Variants in MAPKAP1 observed in about 807,000 individuals in gnomAD.
The protein encoded by MAPKAP1 is MAPK associated protein 1, also known as target of rapamycin complex 2 subunit MAPKAP1.
MAPKAP1 carries 20 observed loss-of-function variants against 65.7 expected under a neutral mutation model. That is an observed-to-expected ratio of 0.30 (90% CI 0.21 to 0.44). MAPKAP1 has a LOEUF of 0.44. MAPKAP1 is among the 20% of genes least tolerant of loss of function. MAPKAP1 has a pLI of 1.00. For missense variants in MAPKAP1, 423 were observed against 648.0 expected, an observed-to-expected ratio of 0.65 and a Z score of 3.77; for synonymous variants, 222 against 244.3, an observed-to-expected ratio of 0.91 and a Z score of 0.85.
At chr9:125,673,269 C>T (rs749639011) in intron 1 of MAPKAP1, among the ~76,000 whole-genome samples, 3 of 152,150 alleles carry the variant, frequency 2.0e-5, no homozygotes, top group Non-Finnish European at 4.4e-5. Flanking sequence ...GCGCTTGTTG[C>T]CCAGGCTGGA....
intron 4 of MAPKAP1, among the ~76,000 whole-genome samples, chr9:125,622,860 G>A (rs1433628853): frequency 2.0e-5 from 3 of 151,842 alleles, no homozygotes; most frequent in African/African-American, 4.8e-5. Flanking sequence ...ATGCGGAGCC[G>A]AAGCTGGACT....
intron 7 of MAPKAP1, chr9:125,521,759 C>T (rs747566536): frequency 6.2e-7 from 1 of 1,612,648 alleles, no homozygotes; most frequent in East Asian, 2.2e-5. Context: ...AATTTAGTCA[C>T]AAGCACCTAA....
At chr9:125,620,895 CAT>C (rs1832878155) in intron 4 of MAPKAP1, among the ~76,000 whole-genome samples, 1 of 150,926 alleles carries the variant, frequency 6.6e-6, no homozygotes, top group South Asian at 2.1e-4. Context: ...GGGAGTGAGA[CAT>C]GTTTACCTTT....
intron 4 of MAPKAP1, among the ~76,000 whole-genome samples, chr9:125,589,038 T>A (rs1831874083): frequency 6.6e-6 from 1 of 152,206 alleles, no homozygotes; most frequent in South Asian, 2.1e-4. Context: ...TGGCTTTGCA[T>A]GCGTGACTCC....
chr9:125,676,112 A>G (rs1312411772), intron 1 of MAPKAP1, among the ~76,000 whole-genome samples: 1 of 152,210 alleles, frequency 6.6e-6, no homozygotes, highest in African/African-American at 2.4e-5. Context: ...TAAAAATCTA[A>G]CTCTGGCAAG....
At chr9:125,507,857 T>A (rs1295704700) in intron 7 of MAPKAP1, among the ~76,000 whole-genome samples, 1 of 152,216 alleles carries the variant, frequency 6.6e-6, no homozygotes, top group African/African-American at 2.4e-5. Context: ...AAATTCATTT[T>A]TTTTTAAAAT....
intron 7 of MAPKAP1, among the ~76,000 whole-genome samples, chr9:125,519,206 G>C (rs950883227): frequency 6.6e-6 from 1 of 152,014 alleles, no homozygotes; most frequent in African/African-American, 2.4e-5. Context: ...AACTAAATTG[G>C]GATAGAGCCT....
chr9:125,567,439 C>A (rs1247431603), intron 5 of MAPKAP1: 2 of 152,186 alleles, frequency 1.3e-5, no homozygotes, highest in African/African-American at 4.8e-5. Context: ...CTCCCACCAG[C>A]GCCATGACAG....
chr9:125,535,455 G>A (rs1830046419), intron 7 of MAPKAP1, among the ~76,000 whole-genome samples: 1 of 152,064 alleles, frequency 6.6e-6, no homozygotes, highest in East Asian at 1.9e-4. Context: ...AGTGCAGCAT[G>A]GCACAGAGCA....
chr9:125,630,937 A>G (rs1197345121), intron 4 of MAPKAP1, among the ~76,000 whole-genome samples: 1 of 152,084 alleles, frequency 6.6e-6, no homozygotes. Context: ...ACAAAAAATA[A>G]TTTTTAAAAA....
intron 1 of MAPKAP1, among the ~76,000 whole-genome samples, chr9:125,693,677 A>ATATATACACGTATATATACACG (rs1835267514): frequency 7.8e-6 from 1 of 127,452 alleles, no homozygotes; most frequent in Non-Finnish European, 1.7e-5. Context: ...ATATACACGT[A>ATATATACACGTATATATACACG]TATATACACG....
At chr9:125,587,383 T>C (rs1379355773) in intron 4 of MAPKAP1, among the ~76,000 whole-genome samples, 1 of 152,120 alleles carries the variant, frequency 6.6e-6, no homozygotes, top group African/African-American at 2.4e-5. Flanking sequence ...CTGGCCAACA[T>C]GGTGAAATCC....
intron 1 of MAPKAP1, among the ~76,000 whole-genome samples, chr9:125,704,084 C>T (rs1468178006): frequency 6.6e-6 from 1 of 152,192 alleles, no homozygotes; most frequent in South Asian, 2.1e-4. Flanking sequence ...GACTGGCACA[C>T]TGAAGCTACA....
chr9:125,568,027 T>C (rs1443645186), intron 5 of MAPKAP1: 2 of 151,972 alleles, frequency 1.3e-5, no homozygotes, highest in African/African-American at 4.8e-5. Flanking sequence ...AAGAATGAGA[T>C]TGGTAAAGAA....
chr9:125,704,453 C>A (rs12336337), intron 1 of MAPKAP1, among the ~76,000 whole-genome samples: 1 of 152,150 alleles, frequency 6.6e-6, no homozygotes, highest in Non-Finnish European at 1.5e-5. Flanking sequence ...ACCCACAGTA[C>A]TTTATTATGG....
chr9:125,625,258 A>AT (rs371821798), intron 4 of MAPKAP1, among the ~76,000 whole-genome samples: 38,115 of 110,482 alleles, frequency 0.34, 7,374 homozygotes, highest in Middle Eastern at 0.45. Flanking sequence ...AAATAAATAA[A>AT]AAAAAAAAAA....
chr9:125,517,914 C>T lies in MAPKAP1; in HGVS notation c.959-11497G>A, dbSNP rs1829508672. Reference sequence around the variant, plus strand: ...AAGTACTTTTGTCTATTTGTCATTCCCCCCACCTAGCCAGCATCAGGGCAC... The same window carrying T: ...AAGTACTTTTGTCTATTTGTCATTCTCCCCACCTAGCCAGCATCAGGGCAC... On this transcript the variant is annotated intron_variant, in intron 7 of 11. Transcript: ENST00000265960. Among the ~76,000 whole-genome samples the T allele has an allele frequency of 2.0e-5, 3 of 152,160 alleles. No individual in the cohort carries two copies. The South Asian group carries it at 6.2e-4, about 32-fold the overall frequency.
At chr9:125,490,565 C>T (rs973874620) in intron 8 of MAPKAP1, among the ~76,000 whole-genome samples, 1 of 151,858 alleles carries the variant, frequency 6.6e-6, no homozygotes, top group Non-Finnish European at 1.5e-5. Flanking sequence ...ACAAAACAAA[C>T]CAACAAAAAA....
At chr9:125,609,384 C>T (rs1832532981) in intron 4 of MAPKAP1, among the ~76,000 whole-genome samples, 2 of 152,154 alleles carry the variant, frequency 1.3e-5, no homozygotes, top group African/African-American at 4.8e-5. Context: ...CAAAAAAGAG[C>T]TGGAACAGAA....
Sources: gnomAD v4.1 joint callset for allele counts (sites outside exome capture counted in the v4.1 genomes callset) on GRCh38, gnomAD v4.1.1 for gene constraint, MANE v1.5 for transcripts, NCBI Gene and HGNC (gene_info 2026-07-23, HGNC 2026-07-21) for gene names.